Variants in GRM1 observed in about 807,000 individuals in gnomAD.
The protein encoded by GRM1 is glutamate metabotropic receptor 1.
GRM1 carries 33 observed loss-of-function variants against 90.9 expected under a neutral mutation model. The observed-to-expected ratio is 0.36, with a 90% CI of 0.28 to 0.49. The LOEUF (loss-of-function observed/expected upper bound fraction) is 0.49. GRM1 is among the 20% of genes least tolerant of loss of function. The probability of loss-of-function intolerance (pLI) is 0.99; values close to 1 mark genes in which losing one functional copy is unlikely to be tolerated. For synonymous variants in GRM1, 700 were observed against 613.2 expected (o/e 1.14, Z -2.09); for missense variants, 1,190 against 1,534.3 (o/e 0.78, Z 3.75).
chr6:146,231,309 G>A (rs1355913864), intron 2 of GRM1, among the ~76,000 whole-genome samples: 1 of 152,124 alleles, frequency 6.6e-6, no homozygotes, highest in Admixed American at 6.6e-5. Flanking sequence ...TACTGAGGAT[G>A]TAACATTGCT....
intron 2 of GRM1, among the ~76,000 whole-genome samples, chr6:146,223,079 CT>C (rs1483125795): frequency 1.3e-5 from 2 of 151,928 alleles, no homozygotes; most frequent in African/African-American, 4.8e-5. Context: ...GTAAAGCCAG[CT>C]GTAAGCAACA....
chr6:146,232,076 A>G (rs990367310), intron 2 of GRM1, among the ~76,000 whole-genome samples: 3 of 152,146 alleles, frequency 2.0e-5, no homozygotes, highest in Non-Finnish European at 2.9e-5. Flanking sequence ...CATCGCTTAC[A>G]CATTCAATTT....
At chr6:146,243,804 G>T (rs181577226) in intron 2 of GRM1, among the ~76,000 whole-genome samples, 1 of 152,212 alleles carries the variant, frequency 6.6e-6, no homozygotes, top group Admixed American at 6.5e-5. Flanking sequence ...ATCCTAATAA[G>T]CCTGGGAGCA....
At chr6:146,115,305 T>C (rs1238400423) in intron 1 of GRM1, among the ~76,000 whole-genome samples, 1 of 152,010 alleles carries the variant, frequency 6.6e-6, no homozygotes, top group Non-Finnish European at 1.5e-5. Context: ...TTTGTAAATA[T>C]AGACTTCATA....
chr6:146,299,141 C>T (rs1351444550), intron 2 of GRM1, among the ~76,000 whole-genome samples: 1 of 152,142 alleles, frequency 6.6e-6, no homozygotes, highest in East Asian at 1.9e-4. Flanking sequence ...TTCAAAGTTG[C>T]TTCTCAAAGC....
chr6:146,267,962 A>T lies in GRM1; in HGVS notation c.951-36649A>T, dbSNP rs367911689. The stretch of plus-strand genomic sequence containing the variant: ...TTAACCATCACAAGTCAGTAATTGG[A>T]TTGCTGGGTTGAATGATATTTCTGC... On this transcript the variant is annotated intron_variant, in intron 2 of 7. Transcript: ENST00000282753. 2.4e-4 allele frequency among the ~76,000 whole-genome samples: 36 copies of T among 152,210 alleles called. No individual in the cohort carries two copies. In the South Asian group the frequency reaches 6.0e-3, roughly 25 times the overall value.
In GRM1 at chr6:146,434,310, G is replaced by A. The variant is rs565315000; in HGVS notation, c.3099G>A (p.Gln1033=). Residue 1033 remains glutamine, a synonymous_variant, in exon 8 of 8, where the codon CAG becomes CAA. Transcript: ENST00000282753. ...CACAGCAGAAATCGCTGATGGACCA[G>A]CTCCAGGGAGTGGTCAGCAACTTCA... ...PPPQQKSLMD[Q]LQGVVSNFST... The A allele has an allele frequency of 1.2e-6, 2 of 1,609,278 alleles. No homozygotes were observed. The highest frequency in any genetic ancestry group is 1.7e-5 in the Admixed American group (1 of 59,890).
intron 2 of GRM1, among the ~76,000 whole-genome samples, chr6:146,209,556 G>GA (rs1261312668): frequency 6.6e-5 from 10 of 151,320 alleles, no homozygotes; most frequent in East Asian, 5.8e-4. Context: ...TAGGGTTTCA[G>GA]AAAAAAAAAT....
intron 1 of GRM1, among the ~76,000 whole-genome samples, chr6:146,090,714 G>A (rs1314694801): frequency 6.6e-6 from 1 of 152,048 alleles, no homozygotes; most frequent in African/African-American, 2.4e-5. Flanking sequence ...CAGCCACACA[G>A]TGACGATAAA....
intron 2 of GRM1, among the ~76,000 whole-genome samples, chr6:146,222,897 G>A (rs917734355): frequency 6.6e-6 from 1 of 151,982 alleles, no homozygotes; most frequent in African/African-American, 2.4e-5. Context: ...GTTAGGTAGC[G>A]GAGTCATTGG....
intron 1 of GRM1, among the ~76,000 whole-genome samples, chr6:146,097,376 A>C (rs1776907230): frequency 6.6e-6 from 1 of 152,278 alleles, no homozygotes; most frequent in East Asian, 1.9e-4. Context: ...GAGTAGAAAA[A>C]TATGTATGAA....
At chr6:146,306,438 C>T (rs1371856360) in intron 3 of GRM1, among the ~76,000 whole-genome samples, 2 of 152,164 alleles carry the variant, frequency 1.3e-5, no homozygotes, top group East Asian at 3.8e-4. Context: ...TCCTAGACAA[C>T]ATAGTGCCTA....
chr6:146,272,413 G>T (rs1421731656), intron 2 of GRM1, among the ~76,000 whole-genome samples: 8 of 152,154 alleles, frequency 5.3e-5, no homozygotes, highest in African/African-American at 1.9e-4. Flanking sequence ...AGTTATCCTT[G>T]AAACTGGGGA....
chr6:146,086,936 G>A lies in GRM1; in HGVS notation c.700+56719G>A, dbSNP rs898671156. ...AGATACTCCAGTAATCTATTATGATGGCAATATATAAATGTCCCTAAGTGC... is the reference window on the plus strand; with the variant it reads ...AGATACTCCAGTAATCTATTATGATAGCAATATATAAATGTCCCTAAGTGC... On this transcript the variant is annotated intron_variant, in intron 1 of 7. Transcript: ENST00000282753. 3.3e-5 allele frequency among the ~76,000 whole-genome samples: 5 copies of A among 151,930 alleles called. No individual in the cohort carries two copies. In the East Asian group the frequency reaches 9.7e-4, roughly 29 times the overall value.
chr6:146,313,093 A>G (rs2114948094), intron 3 of GRM1, among the ~76,000 whole-genome samples: 1 of 152,354 alleles, frequency 6.6e-6, no homozygotes, highest in Non-Finnish European at 1.5e-5. Flanking sequence ...TTTTAGTAGC[A>G]GATACAGACT....
chr6:146,423,904 T>C (rs1301831080), intron 7 of GRM1, among the ~76,000 whole-genome samples: 1 of 152,150 alleles, frequency 6.6e-6, no homozygotes, highest in African/African-American at 2.4e-5. Flanking sequence ...AGCCACAGCT[T>C]CTCTTGATCT....
At chr6:146,266,700 C>G (rs1451804850) in intron 2 of GRM1, among the ~76,000 whole-genome samples, 1 of 152,192 alleles carries the variant, frequency 6.6e-6, no homozygotes, top group Non-Finnish European at 1.5e-5. Context: ...TGTAACTAGC[C>G]TTACAGCAAG....
intron 2 of GRM1, among the ~76,000 whole-genome samples, chr6:146,234,197 T>A (rs1341659235): frequency 6.6e-6 from 1 of 151,928 alleles, no homozygotes; most frequent in Non-Finnish European, 1.5e-5. Context: ...AACTTTTTAT[T>A]TTTTTTACTT....
chr6:146,427,471 C>T (rs9386151), intron 7 of GRM1, among the ~76,000 whole-genome samples: 76,499 of 151,880 alleles, frequency 0.5, 19,336 homozygotes, highest in South Asian at 0.6. Flanking sequence ...GATGAGGTGT[C>T]TGTGGCTTGA....
Sources: allele counts gnomAD v4.1 joint callset (sites outside exome capture counted in the v4.1 genomes callset), GRCh38; gene constraint gnomAD v4.1.1; transcripts MANE v1.5; gene names NCBI Gene and HGNC (gene_info 2026-07-23, HGNC 2026-07-21).